Variants in ARHGAP42 observed in about 807,000 individuals in gnomAD.
ARHGAP42 encodes the protein rho GTPase-activating protein 42.
A neutral mutation model predicts 125.0 loss-of-function variants in ARHGAP42; 63 were observed. That is an observed-to-expected ratio of 0.50 (90% CI 0.41 to 0.62). ARHGAP42 has a LOEUF of 0.62. Ranked by LOEUF, ARHGAP42 falls within the 20% of genes least tolerant of loss-of-function variation. The probability of loss-of-function intolerance (pLI) is 0.00; values close to 1 mark genes in which losing one functional copy is unlikely to be tolerated. For missense variants in ARHGAP42, 766 were observed against 1,024.2 expected (o/e 0.75, Z 3.44); for synonymous variants, 339 against 351.0 (o/e 0.97, Z 0.38).
At chr11:100,903,709 A>AATAT (rs139506492) in intron 4 of ARHGAP42, among the ~76,000 whole-genome samples, 902 of 62,746 alleles carry the variant, frequency 0.014, 28 homozygotes, top group Non-Finnish European at 0.018. Context: ...TGTCCCTCAA[A>AATAT]ATATATATAT....
rs1019908785 is a variant in ARHGAP42, at chr11:100,991,359, T to A, written c.*2558T>A. On this transcript the variant is annotated 3_prime_UTR_variant, in exon 24 of 24. Coordinates refer to ENST00000298815, the MANE Select transcript of ARHGAP42 (RefSeq NM_152432.4). ...GGCAATGCCAGACATTGAAAGAGGA[T>A]CACATTCAACTTTTAATAGTAGTTC... is the stretch of plus-strand genomic sequence containing the variant. 2.6e-5 allele frequency: 4 copies of A among 152,148 alleles called. No individual in the cohort carries two copies. The highest frequency in any genetic ancestry group is 4.8e-5 in the African/African-American group (2 of 41,430). 9.4% of individuals were successfully genotyped at this position (152,148 alleles called of 1,614,324 possible).
At chr11:100,699,489 T>TAC (rs1861354046) in intron 1 of ARHGAP42, among the ~76,000 whole-genome samples, 1 of 34,284 alleles carries the variant, frequency 2.9e-5, no homozygotes, top group Non-Finnish European at 6.2e-5. Context: ...TGTATATATA[T>TAC]ATATATATAT....
At chr11:100,762,264 C>G (rs893331606) in intron 1 of ARHGAP42, among the ~76,000 whole-genome samples, 1 of 152,214 alleles carries the variant, frequency 6.6e-6, no homozygotes, top group African/African-American at 2.4e-5. Flanking sequence ...AGTGCCCAAA[C>G]AACCATGTTG....
At chr11:100,688,768 G>A (rs11224389) in intron 1 of ARHGAP42, among the ~76,000 whole-genome samples, 23,964 of 152,028 alleles carry the variant, frequency 0.16, 1,963 homozygotes, top group East Asian at 0.25. Context: ...ATCTTCAAAG[G>A]AGCCTGTGAA....
chr11:100,737,058 A>G (rs1415085758), intron 1 of ARHGAP42, among the ~76,000 whole-genome samples: 3 of 152,228 alleles, frequency 2.0e-5, no homozygotes, highest in African/African-American at 7.2e-5. Flanking sequence ...TAACTATTCT[A>G]TGTTAAAAGG....
intron 4 of ARHGAP42, among the ~76,000 whole-genome samples, chr11:100,903,149 A>ACC (rs1346660484): frequency 6.6e-6 from 1 of 151,706 alleles, no homozygotes; most frequent in Non-Finnish European, 1.5e-5. Context: ...ACACACACAC[A>ACC]CACACACCAA....
chr11:100,815,171 G>C (rs1242099877), intron 3 of ARHGAP42, among the ~76,000 whole-genome samples: 1 of 152,134 alleles, frequency 6.6e-6, no homozygotes, highest in Non-Finnish European at 1.5e-5. Context: ...AACACTGCTG[G>C]TACCAAGTGC....
At chr11:100,770,939 C>A (rs1862961939) in intron 2 of ARHGAP42, among the ~76,000 whole-genome samples, 1 of 151,970 alleles carries the variant, frequency 6.6e-6, no homozygotes, top group Admixed American at 6.6e-5. Flanking sequence ...TTTGTTGTTT[C>A]CATAAGGAAA....
rs977919557 is a variant in ARHGAP42, at chr11:100,993,926, T to G, written c.*5125T>G. The G allele has an allele frequency of 2.4e-5, 4 of 167,098 alleles. No homozygotes were observed. Among genetic ancestry groups the G allele is most frequent in the African/African-American group, 9.6e-5 (4 of 41,466 alleles). 10.4% of individuals were successfully genotyped at this position (167,098 alleles called of 1,614,324 possible). ...TTTAAATTACTTTAAAAATAAACTT[T>G]GTAAGCAGATTTTAATTTAGTCTTT... On this transcript the variant is annotated 3_prime_UTR_variant, in exon 24 of 24. Transcript: ENST00000298815.
intron 13 of ARHGAP42, among the ~76,000 whole-genome samples, chr11:100,960,585 A>G (rs1263957820): frequency 1.3e-5 from 2 of 152,184 alleles, no homozygotes; most frequent in East Asian, 1.9e-4. Context: ...TTCAACATGC[A>G]GGAGGACTCC....
intron 3 of ARHGAP42, among the ~76,000 whole-genome samples, chr11:100,800,870 GATAAGTTAACACTTCAGTCAC>G (rs1428249093): frequency 6.6e-6 from 1 of 152,132 alleles, no homozygotes; most frequent in African/African-American, 2.4e-5. Flanking sequence ...ACATTGCAGT[GATAAGTTAACACTTCAGTCAC>G]ATAAGTTAAC....
At chr11:100,692,596 A>T (rs994271454) in intron 1 of ARHGAP42, among the ~76,000 whole-genome samples, 1 of 152,156 alleles carries the variant, frequency 6.6e-6, no homozygotes, top group Non-Finnish European at 1.5e-5. Flanking sequence ...TTACTCGGTC[A>T]TGTTGCCTTT....
At chr11:100,848,945 T>C (rs1305582867) in intron 3 of ARHGAP42, among the ~76,000 whole-genome samples, 1 of 151,980 alleles carries the variant, frequency 6.6e-6, no homozygotes, top group Non-Finnish European at 1.5e-5. Context: ...TGCAGGAGAG[T>C]GTGAATGTCT....
intron 3 of ARHGAP42, among the ~76,000 whole-genome samples, chr11:100,796,551 G>A (rs1286666019): frequency 1.3e-5 from 2 of 152,170 alleles, no homozygotes; most frequent in African/African-American, 4.8e-5. Flanking sequence ...CTTAAAGCTA[G>A]GCCTCTTGAA....
chr11:100,766,439 A>G (rs1862831249), intron 1 of ARHGAP42, among the ~76,000 whole-genome samples: 1 of 152,186 alleles, frequency 6.6e-6, no homozygotes, highest in African/African-American at 2.4e-5. Flanking sequence ...TTTAAAATTT[A>G]TTAGGTTTTA....
intron 1 of ARHGAP42, among the ~76,000 whole-genome samples, chr11:100,762,521 T>C (rs1356647346): frequency 3.9e-5 from 6 of 152,234 alleles, no homozygotes; most frequent in African/African-American, 9.6e-5. Flanking sequence ...CTCTCGTTTA[T>C]TGAGTGACTA....
chr11:100,822,451 CTGTT>C (rs1864425209), intron 3 of ARHGAP42, among the ~76,000 whole-genome samples: 1 of 152,054 alleles, frequency 6.6e-6, no homozygotes, highest in Admixed American at 6.6e-5. Context: ...AAATGGATTA[CTGTT>C]TGTTTCACTG....
Position 100,976,457 on chromosome 11 carries a change from G to C in ARHGAP42, c.2236+20G>C, listed in dbSNP as rs1012521546. The C allele has an allele frequency of 1.3e-6, 2 of 1,497,022 alleles. No individual in the cohort carries two copies. Among genetic ancestry groups the C allele is most frequent in the Admixed American group, 5.0e-5 (2 of 39,804 alleles). The allele number at this position is 1,497,022 out of a possible 1,614,324, so 92.7% of individuals were successfully genotyped here. ...CTGAAGGTAAGGCAGAGTGGAACTT[G>C]TGCAAGATGTCATTGTCTCAGTGTC... On this transcript the variant is annotated intron_variant, in intron 20 of 23. Transcript: ENST00000298815.
chr11:100,976,466 G>A (rs1023017774), intron 20 of ARHGAP42, 29 bp downstream of exon 20: 18 of 1,491,470 alleles, frequency 1.2e-5, no homozygotes, highest in Non-Finnish European at 1.4e-5. Context: ...TGTGCAAGAT[G>A]TCATTGTCTC....
Sources: allele counts gnomAD v4.1 joint callset (sites outside exome capture counted in the v4.1 genomes callset), GRCh38; gene constraint gnomAD v4.1.1; transcripts MANE v1.5; gene names NCBI Gene and HGNC (gene_info 2026-07-23, HGNC 2026-07-21).